FERMT1: variants seen among roughly 807,000 people sequenced by gnomAD.
The protein encoded by FERMT1 is FERM domain containing kindlin 1, also known as fermitin family homolog 1.
In FERMT1, 60 loss-of-function variants were observed where a neutral mutation model predicts 85.3. That is an observed-to-expected ratio of 0.70 (90% confidence interval 0.57 to 0.87). The LOEUF (loss-of-function observed/expected upper bound fraction) is 0.87, where lower values mean the gene tolerates loss of function less well. Ranked by LOEUF, FERMT1 falls within the 40% of genes least tolerant of loss-of-function variation. FERMT1 has a pLI of 0.00. For missense variants in FERMT1, 701 were observed against 818.9 expected (o/e 0.86, Z 1.76); for synonymous variants, 275 against 301.1 (o/e 0.91, Z 0.90).
chr20:6,084,306 TTCTC>T (rs1418597050), intron 12 of FERMT1, 142 bp from the exon 13 acceptor site: 1 of 918,486 alleles, frequency 1.1e-6, no homozygotes, highest in Non-Finnish European at 1.7e-6. Context: ...CATCCATTCA[TTCTC>T]TCTCTTTTTC....
At chr20:6,081,101 A>G (rs1368080232) in intron 13 of FERMT1, among the ~76,000 whole-genome samples, 1 of 152,060 alleles carries the variant, frequency 6.6e-6, no homozygotes, top group Admixed American at 6.6e-5. Context: ...AGCCTGGGTA[A>G]CACAGTGAGA....
chr20:6,087,878 C>T lies in FERMT1; in HGVS notation c.1270G>A (p.Glu424Lys), dbSNP rs747141428. The T allele has an allele frequency of 1.6e-4, 251 of 1,594,994 alleles. No individual in the cohort carries two copies. The highest frequency in any genetic ancestry group is 2.7e-4 in the Admixed American group (16 of 59,990). The change falls in exon 11 of 15, where the codon GAA becomes AAA. Residue 424 changes from glutamate (E) to lysine (K), a missense_variant. Transcript: ENST00000217289. ...PLEKLNLRGCEVVPDVNVAGR... is the reference protein window; with the variant it reads ...PLEKLNLRGCKVVPDVNVAGR... ...GCTACATTTACATCGGGCACAACTT[C>T]GCAGCCTGAAGGACAAAGATCAGAG...
intron 6 of FERMT1, among the ~76,000 whole-genome samples, chr20:6,099,721 A>G (rs1216673430): frequency 2.0e-5 from 3 of 148,554 alleles, no homozygotes; most frequent in African/African-American, 7.4e-5. Flanking sequence ...ATTTTTTTAA[A>G]AAAGTGGCTC....
intron 11 of FERMT1, among the ~76,000 whole-genome samples, chr20:6,085,988 A>C (rs934549417): frequency 6.6e-6 from 1 of 152,018 alleles, no homozygotes; most frequent in Non-Finnish European, 1.5e-5. Flanking sequence ...AAAAATACAA[A>C]AAAATTAGCC....
chr20:6,109,472 G>A (rs1568663282), intron 5 of FERMT1, among the ~76,000 whole-genome samples: 1 of 152,210 alleles, frequency 6.6e-6, no homozygotes, highest in South Asian at 2.1e-4. Context: ...GAAGGTGAAT[G>A]CTGTTGACGA....
At chr20:6,077,662 T>C (rs1981867512) in intron 14 of FERMT1, among the ~76,000 whole-genome samples, 1 of 152,154 alleles carries the variant, frequency 6.6e-6, no homozygotes, top group Non-Finnish European at 1.5e-5. Context: ...GGCAGGGTGC[T>C]TCGCAGGCAC....
In FERMT1 at chr20:6,099,405, A is replaced by G. The variant is rs955835684; in HGVS notation, c.850-1774T>C. Among the ~76,000 whole-genome samples the G allele has an allele frequency of 1.2e-4, 11 of 92,850 alleles. No homozygotes were observed. In the East Asian group the frequency reaches 4.9e-3, roughly 41 times the overall value. The allele number at this position is 92,850 out of a possible 152,430, so 60.9% of individuals were successfully genotyped here. A position where few individuals can be genotyped will look rare whatever the true frequency, so the allele number is the denominator to read the frequency against. On this transcript the variant is annotated intron_variant, in intron 6 of 14. Coordinates refer to ENST00000217289, the MANE Select transcript of FERMT1 (RefSeq NM_017671.5). ...GGGCAACAAGAGTGAGACTGTCTCG[A>G]AAAAAAAAAAAAAAGGAATTAAATT...
chr20:6,081,627 G>A (rs367578587), intron 13 of FERMT1, among the ~76,000 whole-genome samples: 1 of 152,134 alleles, frequency 6.6e-6, no homozygotes, highest in South Asian at 2.1e-4. Flanking sequence ...GAGAATGGAA[G>A]CAAGGAATTG....
At chr20:6,100,322 T>C (rs979778578) in intron 6 of FERMT1, among the ~76,000 whole-genome samples, 6 of 152,292 alleles carry the variant, frequency 3.9e-5, no homozygotes, top group East Asian at 3.9e-4. Flanking sequence ...GAAAATACTA[T>C]GCTAAGTGAA....
At chr20:6,083,662 C>CG (rs11461821) in intron 13 of FERMT1, among the ~76,000 whole-genome samples, 4 of 138,442 alleles carry the variant, frequency 2.9e-5, no homozygotes, top group South Asian at 2.4e-4. Flanking sequence ...GACACCCCCC[C>CG]CCCCGGCCAC....
At chr20:6,090,618 G>A (rs918061906) in intron 9 of FERMT1, among the ~76,000 whole-genome samples, 2 of 152,064 alleles carry the variant, frequency 1.3e-5, no homozygotes, top group African/African-American at 4.8e-5. Flanking sequence ...GCCAGGCGTG[G>A]TGGTGTGTCT....
At chr20:6,102,689 A>C (rs1489056258) in intron 6 of FERMT1, among the ~76,000 whole-genome samples, 1 of 145,030 alleles carries the variant, frequency 6.9e-6, no homozygotes, top group Non-Finnish European at 1.5e-5. Flanking sequence ...GAAAAAAAAA[A>C]AAAAAAAAAA....
chr20:6,097,101 A>G (rs568785724), intron 7 of FERMT1, 68 bp from the exon 8 acceptor site: 66 of 1,513,798 alleles, frequency 4.4e-5, no homozygotes, highest in Non-Finnish European at 5.6e-5. Context: ...TGAATCCATT[A>G]GCCATTTTTT....
Position 6,077,462 on chromosome 20 carries a change from A to G in FERMT1, c.1861-116T>C, listed in dbSNP as rs941495210. On this transcript the variant is annotated intron_variant, in intron 14 of 14. Transcript: ENST00000217289. The stretch of plus-strand genomic sequence containing the variant: ...CTGCTGAGGTGGATAACAGATGGAT[A>G]TCCCTCTAAAACACACAGAAAACCA... The G allele has an allele frequency of 3.2e-5, 30 of 930,648 alleles. No individual in the cohort carries two copies. In the Admixed American group the frequency reaches 5.9e-4, roughly 18 times the overall value. The allele number at this position is 930,648 out of a possible 1,614,324, so 57.6% of individuals were successfully genotyped here.
At chr20:6,110,211 C>T in intron 5 of FERMT1, 87 bp downstream of exon 5, 1 of 1,181,084 alleles carries the variant, frequency 8.5e-7, no homozygotes, top group Admixed American at 1.9e-5. Flanking sequence ...ATCCCTAGGC[C>T]TACCAACTTG....
At chr20:6,096,152 A>G (rs11906061) in intron 8 of FERMT1, among the ~76,000 whole-genome samples, 2,855 of 152,340 alleles carry the variant, frequency 0.019, 90 homozygotes, top group African/African-American at 0.065. Flanking sequence ...GCAATGTTCC[A>G]GAAAAAGGCC....
At chr20:6,087,941 C>A in intron 10 of FERMT1, 58 bp from the exon 11 acceptor site, 4 of 947,946 alleles carry the variant, frequency 4.2e-6, no homozygotes. Context: ...AGATAAACAT[C>A]AGGTGTGTAT....
chr20:6,109,092 T>C (rs1033429876), intron 5 of FERMT1, among the ~76,000 whole-genome samples: 4 of 152,130 alleles, frequency 2.6e-5, no homozygotes, highest in African/African-American at 9.7e-5. Flanking sequence ...TCCTGTACAA[T>C]GCATAGTAGA....
At chr20:6,118,034 A>G (rs1390650256) in intron 2 of FERMT1, among the ~76,000 whole-genome samples, 1 of 125,828 alleles carries the variant, frequency 7.9e-6, no homozygotes, top group East Asian at 2.1e-4. Flanking sequence ...CTTATGAATC[A>G]GCATTTTTTT....
Sources: gnomAD v4.1 joint callset for allele counts (sites outside exome capture counted in the v4.1 genomes callset) on GRCh38, gnomAD v4.1.1 for gene constraint, MANE v1.5 for transcripts, NCBI Gene and HGNC (gene_info 2026-07-23, HGNC 2026-07-21) for gene names.